The following NRXN2 variants were observed in gnomAD, a reference collection of about 807,000 sequenced individuals.
NRXN2 encodes the protein neurexin 2.
In NRXN2, 29 loss-of-function variants were observed where a neutral mutation model predicts 128.8. The ratio of observed to expected loss-of-function variants is 0.23; its 90% confidence interval spans 0.17 to 0.31. The LOEUF (loss-of-function observed/expected upper bound fraction) is 0.31, where lower values mean the gene tolerates loss of function less well. Among genes scored for constraint, NRXN2 ranks in the 10% least tolerant of loss-of-function variants. The pLI is 1.00. For synonymous variants in NRXN2, 1,098 were observed against 1,075.2 expected, an observed-to-expected ratio of 1.02 and a Z score of -0.41; for missense variants, 1,881 against 2,452.6, an observed-to-expected ratio of 0.77 and a Z score of 4.92.
At chr11:64,642,769 G>A in intron 17 of NRXN2, 1 of 1,210,032 alleles carries the variant, frequency 8.3e-7, no homozygotes, top group Non-Finnish European at 1.0e-6. Context: ...GGGGCGGCGC[G>A]GGCACCCCCC....
chr11:64,707,570 T>C (rs2056470010), intron 2 of NRXN2, among the ~76,000 whole-genome samples: 1 of 152,196 alleles, frequency 6.6e-6, no homozygotes, highest in Admixed American at 6.5e-5. Context: ...TTTGCTACTA[T>C]GTATTGAGCA....
At chr11:64,659,856 G>A (rs1391291620) in intron 11 of NRXN2, among the ~76,000 whole-genome samples, 2 of 152,180 alleles carry the variant, frequency 1.3e-5, no homozygotes, top group Admixed American at 6.5e-5. Flanking sequence ...ACTGAGCAGA[G>A]CAGTGGGGGG....
At position 64,647,920 on chromosome 11, in the gene NRXN2, C is replaced by T. The variant is rs1021140380; in HGVS notation, c.3403+299G>A. ...CAAGTTCACCCCACTAAGGCCAACA[C>T]CTTTGGTTTTGGGTGAAGGGAGCAG... On this transcript the variant is annotated intron_variant, in intron 17 of 22. Transcript: ENST00000265459. 3.9e-5 allele frequency among the ~76,000 whole-genome samples: 6 copies of T among 152,236 alleles called. No homozygotes were observed. In the East Asian group the frequency reaches 1.2e-3, roughly 29 times the overall value.
chr11:64,610,276 T>C (rs2040412697), intron 22 of NRXN2, among the ~76,000 whole-genome samples: 1 of 152,136 alleles, frequency 6.6e-6, no homozygotes, highest in Non-Finnish European at 1.5e-5. Context: ...TGAAAAACTT[T>C]GAGCTACGAG....
At chr11:64,670,229 T>C (rs1364076728) in intron 7 of NRXN2, among the ~76,000 whole-genome samples, 2 of 151,470 alleles carry the variant, frequency 1.3e-5, no homozygotes, top group Non-Finnish European at 2.9e-5. Flanking sequence ...GGTAAGGGGG[T>C]GTCTTTGTGG....
In NRXN2 at chr11:64,651,236, G is replaced by A. The variant is rs750667630; in HGVS notation, c.2918+19C>T. ...AGGGGGCCACCTCCTTGACAGCAGT[G>A]CAATCCCCAGCCCCTCACCCCTTGA... On this transcript the variant is annotated intron_variant, in intron 14 of 22. Transcript: ENST00000265459. This position sits in a 1 kb window ranked among gnomAD's most constrained non-coding sequence, Gnocchi z 5.9. 2 of 1,613,738 alleles carry A rather than the reference G, an allele frequency of 1.2e-6. No individual in the cohort carries two copies. The highest frequency in any genetic ancestry group is 2.2e-5 in the East Asian group (1 of 44,878).
At chr11:64,629,245 C>G (rs184974407) in intron 19 of NRXN2, among the ~76,000 whole-genome samples, 101 of 152,280 alleles carry the variant, frequency 6.6e-4, no homozygotes, top group African/African-American at 2.3e-3. Flanking sequence ...CAGTCAGGCC[C>G]TGTGTGTGAC....
chr11:64,616,303 T>C (rs929639749), intron 22 of NRXN2, among the ~76,000 whole-genome samples: 1 of 152,168 alleles, frequency 6.6e-6, no homozygotes, highest in Non-Finnish European at 1.5e-5. Context: ...TATACACACA[T>C]GTACCTCTGT....
chr11:64,642,880 C>A, intron 17 of NRXN2: 2 of 1,034,340 alleles, frequency 1.9e-6, no homozygotes, highest in South Asian at 9.0e-5. Flanking sequence ...CGCGAAGCCC[C>A]CCTCCGGCTC....
Position 64,713,064 on chromosome 11 carries a change from G to A in NRXN2, c.636C>T (p.Pro212=). The A allele has an allele frequency of 6.2e-6, 8 of 1,298,486 alleles. No homozygotes were observed. The highest frequency in any genetic ancestry group is 6.8e-6 in the Non-Finnish European group (7 of 1,032,400). 80.4% of individuals were successfully genotyped at this position (1,298,486 alleles called of 1,614,324 possible). Residue 212 remains proline (P), a synonymous_variant, in exon 2 of 23, where the codon CCC becomes CCT. Transcript: ENST00000265459. The part of the protein sequence containing the change: ...ADPLCAPARN[P]CANGGLCTVL... ...CGGTGCAGAGGCCGCCGTTGGCGCA[G>A]GGGTTGCGCGCGGGCGCGCACAGCG...
Position 64,689,680 on chromosome 11 carries a change from G to A in NRXN2, c.850+725C>T, listed in dbSNP as rs570708036. 3.3e-5 allele frequency among the ~76,000 whole-genome samples: 5 copies of A among 152,296 alleles called. No homozygotes were observed. The South Asian group carries it at 1.0e-3, about 32-fold the overall frequency. On this transcript the variant is annotated intron_variant, in intron 5 of 22. Coordinates refer to ENST00000265459, the MANE Select transcript of NRXN2 (RefSeq NM_015080.4). ...TCTAGTGGAAGTGTGGACAAAGTGT[G>A]GAAGTGACCAGGTTCACCTGGGGTG...
chr11:64,636,585 G>A (rs1026373525), intron 17 of NRXN2, among the ~76,000 whole-genome samples: 7 of 152,170 alleles, frequency 4.6e-5, no homozygotes, highest in Non-Finnish European at 1.0e-4. Flanking sequence ...AGCCACTAAT[G>A]ACTCCTCACA....
intron 1 of NRXN2, among the ~76,000 whole-genome samples, chr11:64,721,374 G>GCAGCC (rs2057428580): frequency 6.6e-6 from 1 of 151,972 alleles, no homozygotes; most frequent in African/African-American, 2.4e-5. Flanking sequence ...GAACTGCCCG[G>GCAGCC]CAGCCGTGGC....
rs471618 is a variant in NRXN2 at position 64,697,931 on chromosome 11, T to C, written c.731-139A>G. 0.24 allele frequency: 223,220 copies of C among 913,694 alleles called. 33,309 individuals are homozygous for C. The highest frequency in any genetic ancestry group is 0.59 in the African/African-American group (36,347 of 61,092). 56.6% of individuals were successfully genotyped at this position (913,694 alleles called of 1,614,324 possible). A position where few individuals can be genotyped will look rare whatever the true frequency, so the allele number is the denominator to read the frequency against. On this transcript the variant is annotated intron_variant, in intron 2 of 22. Transcript: ENST00000265459. ...CCAGGCCCTGACATGAGTCACCCAATGTGGAAGGCCCAAATCTCAAGAAAC... is the reference window on the plus strand; with the variant it reads ...CCAGGCCCTGACATGAGTCACCCAACGTGGAAGGCCCAAATCTCAAGAAAC...
intron 22 of NRXN2, among the ~76,000 whole-genome samples, chr11:64,613,329 T>C (rs950206309): frequency 1.3e-5 from 2 of 152,250 alleles, no homozygotes; most frequent in Admixed American, 1.3e-4. Flanking sequence ...CATGTCCATA[T>C]GTGAACATGC....
intron 1 of NRXN2, among the ~76,000 whole-genome samples, chr11:64,721,153 G>A (rs2057422943): frequency 6.6e-6 from 1 of 151,994 alleles, no homozygotes; most frequent in Non-Finnish European, 1.5e-5. Flanking sequence ...GTGTGCCTGT[G>A]TAGGTGTGTG....
At chr11:64,657,573 G>A (rs1052947646) in intron 11 of NRXN2, among the ~76,000 whole-genome samples, 3 of 152,162 alleles carry the variant, frequency 2.0e-5, no homozygotes, top group African/African-American at 7.2e-5. Flanking sequence ...TAGGCAGAGT[G>A]AAGATTCTTA....
chr11:64,633,296 C>T (rs1178833784), intron 18 of NRXN2, among the ~76,000 whole-genome samples: 1 of 152,210 alleles, frequency 6.6e-6, no homozygotes, highest in African/African-American at 2.4e-5. Flanking sequence ...CACAGTCCTG[C>T]CTAGGTAGCT....
intron 17 of NRXN2, chr11:64,643,155 C>A: frequency 1.0e-6 from 1 of 959,202 alleles, no homozygotes; most frequent in Non-Finnish European, 1.2e-6. Flanking sequence ...GGGAGGGGAG[C>A]GCGGGGGCCA....
Sources: gnomAD v4.1 joint callset for allele counts (sites outside exome capture counted in the v4.1 genomes callset) on GRCh38, gnomAD v4.1.1 for gene constraint, Gnocchi (gnomAD v3.1) non-coding constraint, MANE v1.5 for transcripts, NCBI Gene and HGNC (gene_info 2026-07-23, HGNC 2026-07-21) for gene names.